The following HHLA2 variants were observed in gnomAD, a reference collection of about 807,000 sequenced individuals.
HHLA2 encodes the protein HERV-H LTR-associating protein 2.
HHLA2 carries 48 observed loss-of-function variants against 45.9 expected under a neutral mutation model. That is an observed-to-expected ratio of 1.05 (90% confidence interval 0.83 to 1.33). HHLA2 has a LOEUF of 1.33. Among genes scored for constraint, HHLA2 ranks in the 40% most tolerant of loss-of-function variants. HHLA2 has a pLI of 0.00. For missense variants in HHLA2, 462 were observed against 494.3 expected, an observed-to-expected ratio of 0.93 and a Z score of 0.62; for synonymous variants, 161 against 173.9, an observed-to-expected ratio of 0.93 and a Z score of 0.59.
intron 3 of HHLA2, among the ~76,000 whole-genome samples, chr3:108,349,055 G>T (rs1387927437): frequency 6.6e-6 from 1 of 151,852 alleles, no homozygotes; most frequent in Non-Finnish European, 1.5e-5. Context: ...CATTTGGGTT[G>T]GTTCCAAGTC....
chr3:108,374,173 C>T (rs1274637098), intron 8 of HHLA2, among the ~76,000 whole-genome samples: 42 of 150,568 alleles, frequency 2.8e-4, no homozygotes, highest in South Asian at 4.2e-4. Flanking sequence ...GAAATAATGC[C>T]GCATATCTAC....
intron 3 of HHLA2, among the ~76,000 whole-genome samples, chr3:108,349,247 C>A (rs2081731033): frequency 6.6e-6 from 1 of 150,648 alleles, no homozygotes. Context: ...AGACCACTAG[C>A]CAGACTAATA....
At chr3:108,346,463 A>G (rs975374190) in intron 3 of HHLA2, among the ~76,000 whole-genome samples, 1 of 152,242 alleles carries the variant, frequency 6.6e-6, no homozygotes, top group Admixed American at 6.5e-5. Flanking sequence ...AGGCACAGAA[A>G]GTAAAAACAA....
intron 8 of HHLA2, 50 bp downstream of exon 7, chr3:108,362,496 T>A: frequency 1.7e-6 from 2 of 1,180,794 alleles, no homozygotes; most frequent in Non-Finnish European, 2.5e-6. Flanking sequence ...TCACGTATAT[T>A]AAAGATAACA....
chr3:108,361,171 A>C (rs1361227157), intron 7 of HHLA2, among the ~76,000 whole-genome samples: 1 of 152,194 alleles, frequency 6.6e-6, no homozygotes, highest in Non-Finnish European at 1.5e-5. Context: ...ATTTCTGAGG[A>C]GCTCCAAACA....
chr3:108,377,364 G>T (rs571595083), exon 11 of HHLA2: 1 of 990,590 alleles, frequency 1.0e-6, no homozygotes, highest in South Asian at 1.4e-5. Context: ...ACAATTCCAG[G>T]CAATGGCCTG....
At chr3:108,378,154 T>TTTG (rs1443874239) in exon 11 of HHLA2, 1 of 152,206 alleles carries the variant, frequency 6.6e-6, no homozygotes, top group Non-Finnish European at 1.5e-5. Flanking sequence ...CCACAAAACA[T>TTTG]TGCTCTTAAC....
chr3:108,301,467 A>G (rs2080847230), intron 1 of HHLA2, among the ~76,000 whole-genome samples: 1 of 152,068 alleles, frequency 6.6e-6, no homozygotes, highest in Non-Finnish European at 1.5e-5. Flanking sequence ...TTCTAGAGTT[A>G]TCTTCTTACA....
intron 3 of HHLA2, among the ~76,000 whole-genome samples, chr3:108,351,537 A>G (rs892068952): frequency 6.6e-6 from 1 of 152,238 alleles, no homozygotes; most frequent in Non-Finnish European, 1.5e-5. Context: ...ACTTAGTCAT[A>G]TATCTTGTCA....
intron 2 of HHLA2, among the ~76,000 whole-genome samples, chr3:108,324,548 T>C (rs1345495372): frequency 6.6e-6 from 1 of 152,200 alleles, no homozygotes; most frequent in Non-Finnish European, 1.5e-5. Context: ...CAAGGCTCCT[T>C]CATGTCCCCT....
intron 7 of HHLA2, among the ~76,000 whole-genome samples, chr3:108,360,286 T>C (rs1416767175): frequency 6.6e-6 from 1 of 152,156 alleles, no homozygotes; most frequent in Non-Finnish European, 1.5e-5. Flanking sequence ...CAACACACTG[T>C]GGCCATAACT....
At chr3:108,343,424 C>A (rs2081609546) in intron 3 of HHLA2, among the ~76,000 whole-genome samples, 2 of 152,180 alleles carry the variant, frequency 1.3e-5, no homozygotes. Flanking sequence ...TGTGTACCAG[C>A]TAGTCAGGTT....
intron 3 of HHLA2, among the ~76,000 whole-genome samples, chr3:108,348,536 C>T (rs1377683220): frequency 7.9e-5 from 12 of 151,950 alleles, no homozygotes; most frequent in African/African-American, 1.7e-4. Context: ...TGTTTTTTCT[C>T]ATGTTTCTAA....
intron 3 of HHLA2, among the ~76,000 whole-genome samples, chr3:108,337,768 T>C (rs1461672730): frequency 6.6e-6 from 1 of 152,104 alleles, no homozygotes; most frequent in Non-Finnish European, 1.5e-5. Flanking sequence ...GTGTTGACTT[T>C]CTTGGAATTG....
chr3:108,373,921 T>G (rs1204312509), intron 8 of HHLA2, among the ~76,000 whole-genome samples: 2 of 150,828 alleles, frequency 1.3e-5, no homozygotes, highest in African/African-American at 4.8e-5. Flanking sequence ...ATTTATAGAT[T>G]CAATGCCATC....
intron 3 of HHLA2, among the ~76,000 whole-genome samples, chr3:108,335,264 T>C (rs1185174638): frequency 1.3e-5 from 2 of 152,126 alleles, no homozygotes; most frequent in African/African-American, 4.8e-5. Context: ...AATAAATGAG[T>C]TGCATGAGCA....
intron 9 of HHLA2, among the ~76,000 whole-genome samples, chr3:108,376,219 C>A (rs1376779419): frequency 6.6e-6 from 1 of 152,168 alleles, no homozygotes; most frequent in Non-Finnish European, 1.5e-5. Context: ...TTGGTAGGAA[C>A]CAGGCCAAGG....
chr3:108,338,567 G>T (rs1040142093), intron 3 of HHLA2, among the ~76,000 whole-genome samples: 1 of 152,182 alleles, frequency 6.6e-6, no homozygotes, highest in African/African-American at 2.4e-5. Flanking sequence ...TTCTGTTGAA[G>T]TTCTCTTTGT....
chr3:108,376,734 T>A (rs567703321), intron 10 of HHLA2, 177 bp downstream of exon 9: 2 of 522,826 alleles, frequency 3.8e-6, no homozygotes, highest in South Asian at 2.4e-5. Flanking sequence ...TTTCCCAATG[T>A]CTATAATTAA....
Sources: allele counts gnomAD v4.1 joint callset (sites outside exome capture counted in the v4.1 genomes callset), GRCh38; gene constraint gnomAD v4.1.1; transcripts MANE v1.5; gene names NCBI Gene and HGNC (gene_info 2026-07-23, HGNC 2026-07-21).